The following ISM1 variants were observed in gnomAD, a reference collection of about 807,000 sequenced individuals.
The protein encoded by ISM1 is isthmin 1, also known as isthmin-1.
A neutral mutation model predicts 46.3 loss-of-function variants in ISM1; 25 were observed. The ratio of observed to expected loss-of-function variants is 0.54; its 90% confidence interval spans 0.39 to 0.75. The LOEUF (loss-of-function observed/expected upper bound fraction) is 0.75, where lower values mean the gene tolerates loss of function less well. Ranked by LOEUF, ISM1 falls within the 30% of genes least tolerant of loss-of-function variation. The pLI is 0.00. For synonymous variants in ISM1, 255 were observed against 256.7 expected (o/e 0.99, Z 0.06); for missense variants, 536 against 625.4 (o/e 0.86, Z 1.52).
rs146516377 is a variant in ISM1, at chr20:13,230,040, G to A, written c.138+8126G>A. On this transcript the variant is annotated intron_variant, in intron 1 of 5. Transcript: ENST00000262487. ...AAAATAAAGTTCTATCATTTGTGCTGTTCCTTCATTTATTCACTTCTACTC... is the reference window on the plus strand; with the variant it reads ...AAAATAAAGTTCTATCATTTGTGCTATTCCTTCATTTATTCACTTCTACTC... 6.6e-5 allele frequency among the ~76,000 whole-genome samples: 10 copies of A among 152,174 alleles called. No individual in the cohort carries two copies. The East Asian group carries it at 1.5e-3, about 23-fold the overall frequency.
intron 1 of ISM1, among the ~76,000 whole-genome samples, chr20:13,237,230 T>C (rs772288716): frequency 2.0e-5 from 3 of 152,144 alleles, no homozygotes; most frequent in Non-Finnish European, 4.4e-5. Flanking sequence ...GCCCAGCAAT[T>C]CCACCTGAGT....
chr20:13,260,620 G>C (rs1414826881), intron 1 of ISM1, among the ~76,000 whole-genome samples: 1 of 148,750 alleles, frequency 6.7e-6, no homozygotes, highest in Non-Finnish European at 1.5e-5. Context: ...TTTTTTTGAA[G>C]TTAGTGTGAA....
chr20:13,254,468 TCTC>T (rs1216275120), intron 1 of ISM1, among the ~76,000 whole-genome samples: 8 of 152,238 alleles, frequency 5.3e-5, no homozygotes, highest in Admixed American at 1.3e-4. Flanking sequence ...GCCCCCCGCA[TCTC>T]CTGCTGAGCC....
At chr20:13,277,501 A>G (rs11698516) in intron 2 of ISM1, among the ~76,000 whole-genome samples, 10,222 of 152,094 alleles carry the variant, frequency 0.067, 454 homozygotes, top group Admixed American at 0.097. Context: ...GGCTCTACCC[A>G]GCTGTGTGCT....
At chr20:13,259,161 T>A (rs2039960358) in intron 1 of ISM1, among the ~76,000 whole-genome samples, 1 of 151,934 alleles carries the variant, frequency 6.6e-6, no homozygotes, top group Admixed American at 6.6e-5. Context: ...TATGCGCCTG[T>A]AGTCCCAGTC....
At chr20:13,244,039 T>A (rs927622003) in intron 1 of ISM1, 9 of 152,228 alleles carry the variant, frequency 5.9e-5, no homozygotes, top group African/African-American at 2.2e-4. Context: ...TGGTGATTCA[T>A]CTGCAGGTCA....
At chr20:13,289,676 GGAGGAGGAGGAA>G (rs1047583704) in intron 4 of ISM1, among the ~76,000 whole-genome samples, 9 of 96,702 alleles carry the variant, frequency 9.3e-5, no homozygotes, top group African/African-American at 2.9e-4. Flanking sequence ...AGGAGGAGGG[GGAGGAGGAGGAA>G]GAGGAGGAGG....
chr20:13,311,794 G>A, the ISM1 span, among the ~76,000 whole-genome samples: 3 of 152,168 alleles, frequency 2.0e-5, no homozygotes, highest in African/African-American at 7.2e-5. Flanking sequence ...AGGCGTAAAG[G>A]GGTGTGGAAA....
At chr20:13,317,425 G>A in the ISM1 span, among the ~76,000 whole-genome samples, 2 of 151,360 alleles carry the variant, frequency 1.3e-5, no homozygotes, top group Admixed American at 1.3e-4. Flanking sequence ...TTATTTCATA[G>A]ATATCAATAA....
chr20:13,228,571 A>AT (rs1454922714), intron 1 of ISM1, among the ~76,000 whole-genome samples: 7 of 151,618 alleles, frequency 4.6e-5, no homozygotes, highest in Admixed American at 2.6e-4. Context: ...TGCTTTTATG[A>AT]TTTTTTTCCT....
intron 1 of ISM1, among the ~76,000 whole-genome samples, chr20:13,259,153 T>C (rs185456652): frequency 1.1e-4 from 16 of 152,098 alleles, no homozygotes; most frequent in Non-Finnish European, 2.1e-4. Flanking sequence ...CATGGTGGTA[T>C]GCGCCTGTAG....
At chr20:13,244,585 G>A (rs1167702882) in intron 1 of ISM1, among the ~76,000 whole-genome samples, 3 of 152,126 alleles carry the variant, frequency 2.0e-5, no homozygotes, top group African/African-American at 7.2e-5. Context: ...TACTTATTTA[G>A]CATGAAGGCT....
At chr20:13,269,501 C>A (rs2123248256) in intron 1 of ISM1, among the ~76,000 whole-genome samples, 1 of 152,012 alleles carries the variant, frequency 6.6e-6, no homozygotes, top group Non-Finnish European at 1.5e-5. Flanking sequence ...ACCTATGGTT[C>A]TTCCCTCCTT....
At chr20:13,290,793 A>C (rs2040345321) in intron 4 of ISM1, among the ~76,000 whole-genome samples, 3 of 152,244 alleles carry the variant, frequency 2.0e-5, no homozygotes, top group African/African-American at 7.2e-5. Flanking sequence ...TATTTTGTTT[A>C]ATGTTCACAA....
chr20:13,263,093 C>T (rs760756445), intron 1 of ISM1, among the ~76,000 whole-genome samples: 3 of 152,138 alleles, frequency 2.0e-5, no homozygotes, highest in African/African-American at 4.8e-5. Flanking sequence ...TACGTATGGC[C>T]GTTTCCCCTC....
chr20:13,262,927 G>A (rs1041934248), intron 1 of ISM1, among the ~76,000 whole-genome samples: 8 of 152,234 alleles, frequency 5.3e-5, no homozygotes, highest in African/African-American at 1.7e-4. Flanking sequence ...ACATTCTGCC[G>A]CCATAACTAG....
chr20:13,302,768 T>C (rs570075622), downstream of ISM1, among the ~76,000 whole-genome samples: 298 of 152,310 alleles, frequency 2.0e-3, no homozygotes, highest in Non-Finnish European at 3.6e-3. Context: ...TCAGTGGGCA[T>C]CCTGGGTGCC....
At chr20:13,307,705 T>A in the ISM1 span, among the ~76,000 whole-genome samples, 1 of 152,342 alleles carries the variant, frequency 6.6e-6, no homozygotes, top group African/African-American at 2.4e-5. Flanking sequence ...CTCTGTGAGG[T>A]CTGGCATATT....
rs752872618 is a variant in ISM1 at position 13,299,314 on chromosome 20, A to C, written c.1250A>C (p.Lys417Thr). 2 of 1,613,810 alleles carry C rather than the reference A, an allele frequency of 1.2e-6. No individual in the cohort carries two copies. The highest frequency in any genetic ancestry group is 2.7e-5 in the African/African-American group (2 of 75,048). Residue 417 changes from lysine to threonine, a missense_variant, in exon 6 of 6, where the codon AAG becomes ACG. Physicochemically the swap from Lys to Thr is moderately conservative, Grantham distance 78. Coordinates refer to ENST00000262487, the MANE Select transcript of ISM1 (RefSeq NM_080826.2). This position sits in a 1 kb window ranked among gnomAD's most constrained non-coding sequence, Gnocchi z 5.8. ...GAGTTCTCCGCGGAGCTCCACTACA[A>C]GGTGGACGTCCTGCCCTGGATTATC... Reference protein sequence around the residue: ...STEFSAELHYKVDVLPWIICK... With the variant: ...STEFSAELHYTVDVLPWIICK...
Sources: gnomAD v4.1 joint callset for allele counts (sites outside exome capture counted in the v4.1 genomes callset) on GRCh38, gnomAD v4.1.1 for gene constraint, Gnocchi (gnomAD v3.1) non-coding constraint, MANE v1.5 for transcripts, NCBI Gene and HGNC (gene_info 2026-07-23, HGNC 2026-07-21) for gene names.